Variants in UBE3B observed in about 807,000 individuals in gnomAD.
The protein encoded by UBE3B is ubiquitin protein ligase E3B, also known as ubiquitin-protein ligase E3B.
Under a neutral mutation model 132.3 loss-of-function variants are expected in UBE3B, and 80 were observed. The ratio of observed to expected loss-of-function variants is 0.60; its 90% CI spans 0.50 to 0.73. The LOEUF is 0.73. Ranked by LOEUF, UBE3B falls within the 30% of genes least tolerant of loss-of-function variation. The probability of loss-of-function intolerance (pLI) is 0.00; values close to 1 mark genes in which losing one functional copy is unlikely to be tolerated. For synonymous variants in UBE3B, 487 were observed against 520.4 expected (o/e 0.94, Z 0.87); for missense variants, 1,196 against 1,362.5 (o/e 0.88, Z 1.92).
intron 18 of UBE3B, among the ~76,000 whole-genome samples, chr12:109,516,518 A>C (rs886896478): frequency 1.3e-5 from 2 of 151,884 alleles, no homozygotes; most frequent in African/African-American, 4.8e-5. Context: ...GCTGGACCCT[A>C]GCTGCAGCCA....
At chr12:109,527,138 G>A (rs918782459) in intron 24 of UBE3B, among the ~76,000 whole-genome samples, 3 of 152,216 alleles carry the variant, frequency 2.0e-5, no homozygotes, top group Non-Finnish European at 4.4e-5. Context: ...AGAAGACACC[G>A]TGATGAATTC....
the UBE3B span, among the ~76,000 whole-genome samples, chr12:109,544,996 G>A: frequency 6.6e-6 from 1 of 152,320 alleles, no homozygotes; most frequent in African/African-American, 2.4e-5. Flanking sequence ...CTTGCCCAGG[G>A]ACTCAAAGCC....
rs142628764 is a variant in UBE3B at position 109,486,444 on chromosome 12, T to C, written c.343-27T>C. 121 of 1,554,752 alleles carry C rather than the reference T, an allele frequency of 7.8e-5. No homozygotes were observed. In the African/African-American group the frequency reaches 1.5e-3, roughly 19 times the overall value. On this transcript the variant is annotated intron_variant, in intron 5 of 27. Coordinates refer to ENST00000342494, the MANE Select transcript of UBE3B (RefSeq NM_130466.4). The stretch of plus-strand genomic sequence containing the variant: ...GTGATATGATCTCTATAACAGCCCA[T>C]GACATTCCTCTTTTTCCCACCTATA...
rs571605594 is a variant in UBE3B, at chr12:109,521,363, G to A, written c.2253+39G>A. On this transcript the variant is annotated intron_variant, in intron 20 of 27. Coordinates refer to ENST00000342494, the MANE Select transcript of UBE3B (RefSeq NM_130466.4). The surrounding 1 kb of genome is among the most constrained non-coding windows in gnomAD (Gnocchi z 4.2). Reference sequence around the variant, plus strand: ...GCAACAGCAGGGCTGACAGCAGCCAGATTCAAGAAGTGAAGAGCTGGGCTT... The same window carrying A: ...GCAACAGCAGGGCTGACAGCAGCCAAATTCAAGAAGTGAAGAGCTGGGCTT... 2.2e-5 allele frequency: 36 copies of A among 1,605,020 alleles called. No homozygotes were observed. In the South Asian group the frequency reaches 3.7e-4, roughly 17 times the overall value.
At chr12:109,493,652 A>G (rs750662403) in intron 9 of UBE3B, among the ~76,000 whole-genome samples, 7 of 152,222 alleles carry the variant, frequency 4.6e-5, no homozygotes, top group African/African-American at 1.4e-4. Context: ...TTAAAGTAAG[A>G]TATCAGTGGT....
chr12:109,500,751 C>T, intron 12 of UBE3B, among the ~76,000 whole-genome samples: 1 of 152,210 alleles, frequency 6.6e-6, no homozygotes, highest in Middle Eastern at 3.2e-3. Flanking sequence ...GGATAATTTT[C>T]ACCCTCCCTT....
chr12:109,529,872 C>A lies in UBE3B; in HGVS notation c.2628-18C>A. ...GTCCTGTTAATTGTCATTGTTATCT[C>A]TTCCTTGTTGGCAACAGAATTAGCT... is the stretch of plus-strand genomic sequence containing the variant. On this transcript the variant is annotated intron_variant, in intron 24 of 27. Transcript: ENST00000342494. The A allele has an allele frequency of 6.2e-7, 1 of 1,613,724 alleles. No homozygotes were observed. Among genetic ancestry groups the A allele is most frequent in the Non-Finnish European group, 8.5e-7 (1 of 1,179,620 alleles).
rs190742542 is a variant in UBE3B at position 109,522,194 on chromosome 12, C to A, written c.2364+643C>A. On this transcript the variant is annotated intron_variant, in intron 21 of 27. Transcript: ENST00000342494. This position sits in a 1 kb window ranked among gnomAD's most constrained non-coding sequence, Gnocchi z 4.2. ...AATGGTAAGTGAGGAGGGCCTTCTA[C>A]GGTGCCCAGCCAGCTGCTCACACCA... is the stretch of plus-strand genomic sequence containing the variant. Among the ~76,000 whole-genome samples the A allele has an allele frequency of 2.0e-5, 3 of 152,180 alleles. No homozygotes were observed. The highest frequency in any genetic ancestry group is 1.3e-4 in the Admixed American group (2 of 15,280).
At chr12:109,544,896 T>C in the UBE3B span, among the ~76,000 whole-genome samples, 3 of 152,208 alleles carry the variant, frequency 2.0e-5, no homozygotes, top group Admixed American at 2.0e-4. Flanking sequence ...AACAAAATGT[T>C]TTTCCATCTG....
At chr12:109,508,511 A>G (rs1879962362) in intron 15 of UBE3B, 1 of 985,412 alleles carries the variant, frequency 1.0e-6, no homozygotes, top group Non-Finnish European at 1.2e-6. Context: ...TATTCTTTTC[A>G]TTCCACCTTT....
chr12:109,502,880 G>A, intron 13 of UBE3B, 143 bp from the exon 14 acceptor site: 1 of 987,422 alleles, frequency 1.0e-6, no homozygotes. Flanking sequence ...TTATCCCAAA[G>A]AAATGCCTTG....
chr12:109,490,130 T>C, intron 8 of UBE3B, 126 bp downstream of exon 8: 2 of 992,656 alleles, frequency 2.0e-6, no homozygotes, highest in African/African-American at 3.2e-5. Flanking sequence ...AAGAGCTTGA[T>C]GCCTGCTGTC....
chr12:109,543,690 C>T, the UBE3B span, among the ~76,000 whole-genome samples: 11 of 152,110 alleles, frequency 7.2e-5, no homozygotes, highest in Non-Finnish European at 1.3e-4. Flanking sequence ...AAAATTAGCC[C>T]GGCATGGTGG....
Position 109,521,480 on chromosome 12 carries a change from TC to T in UBE3B, c.2295del (p.Tyr766ThrfsTer36). The T allele has an allele frequency of 6.2e-7, 1 of 1,601,352 alleles. No individual in the cohort carries two copies. Among genetic ancestry groups the T allele is most frequent in the Non-Finnish European group, 8.5e-7 (1 of 1,171,382 alleles). ...GDERLYPSPT[S>X]YIHENYLQLF... ...TGAGAGGCTGTACCCCTCACCCACA[TC>T]CTACATCCATGAGAATTACCTGCAG... On this transcript the variant is annotated frameshift_variant, in exon 21 of 28. Coordinates refer to ENST00000342494, the MANE Select transcript of UBE3B (RefSeq NM_130466.4). LOFTEE classifies it high-confidence loss of function. This position sits in a 1 kb window ranked among gnomAD's most constrained non-coding sequence, Gnocchi z 4.2.
chr12:109,538,750 C>CA (rs1206385594), downstream of UBE3B, among the ~76,000 whole-genome samples: 2 of 152,196 alleles, frequency 1.3e-5, no homozygotes, highest in Non-Finnish European at 2.9e-5. The surrounding 1 kb of genome is among the most constrained non-coding windows in gnomAD (Gnocchi z 4.1). Flanking sequence ...TGCACTTAGG[C>CA]AAGATCGGAG....
chr12:109,531,950 C>T (rs1313065189), intron 26 of UBE3B, among the ~76,000 whole-genome samples: 1 of 152,028 alleles, frequency 6.6e-6, no homozygotes, highest in East Asian at 1.9e-4. Flanking sequence ...TGTGCCTGCC[C>T]TTTTGTGCAG....
chr12:109,481,669 T>C lies in UBE3B; in HGVS notation c.-95T>C, dbSNP rs530940752. On this transcript the variant is annotated 5_prime_UTR_variant, in exon 2 of 28. Coordinates refer to ENST00000342494, the MANE Select transcript of UBE3B (RefSeq NM_130466.4). ...AACAAGCTTTTCTGAAGTGAGAAGC[T>C]GTTCTCAGCCACGAGTCCTGTGCAA... 6.6e-6 allele frequency: 1 copy of C among 152,220 alleles called. No homozygotes were observed. The highest frequency in any genetic ancestry group is 1.5e-5 in the Non-Finnish European group (1 of 68,040). The allele number at this position is 152,220 out of a possible 1,614,324, so 9.4% of individuals were successfully genotyped here.
chr12:109,525,748 CA>C (rs910433071), intron 23 of UBE3B, among the ~76,000 whole-genome samples: 5 of 150,364 alleles, frequency 3.3e-5, no homozygotes, highest in Admixed American at 6.6e-5. Context: ...AAACTTCTAA[CA>C]AAAAAAAATT....
At chr12:109,515,364 T>TTTG (rs748313609) in intron 18 of UBE3B, among the ~76,000 whole-genome samples, 28 of 151,340 alleles carry the variant, frequency 1.9e-4, no homozygotes, top group Admixed American at 1.2e-3. Flanking sequence ...TTACTGTTTT[T>TTTG]TTGTTGTTGT....
Sources: allele counts gnomAD v4.1 joint callset (sites outside exome capture counted in the v4.1 genomes callset), GRCh38; gene constraint gnomAD v4.1.1; non-coding constraint Gnocchi (gnomAD v3.1); transcripts MANE v1.5; gene names NCBI Gene and HGNC (gene_info 2026-07-23, HGNC 2026-07-21).